USP34: variants seen among roughly 807,000 people sequenced by gnomAD.
USP34 encodes ubiquitin specific peptidase 34, also known as ubiquitin carboxyl-terminal hydrolase 34.
In USP34, 70 loss-of-function variants were observed where a neutral mutation model predicts 460.3. That is an observed-to-expected ratio of 0.15 (90% CI 0.13 to 0.19). The LOEUF is 0.19. Among genes scored for constraint, USP34 ranks in the 10% least tolerant of loss-of-function variants. The pLI is 1.00. For missense variants in USP34, 3,985 were observed against 4,236.2 expected (o/e 0.94, Z 1.65); for synonymous variants, 1,647 against 1,405.3 (o/e 1.17, Z -3.85).
intron 9 of USP34, 37 bp downstream of exon 9, chr2:61,370,461 T>A (rs1376767129): frequency 6.2e-7 from 1 of 1,612,770 alleles, no homozygotes; most frequent in Non-Finnish European, 8.5e-7. Context: ...TTCTTCTCTA[T>A]CAATAGAACA....
At position 61,236,020 on chromosome 2, in the gene USP34, A is replaced by G; in HGVS notation, c.6966+6T>C. The G allele has an allele frequency of 6.2e-7, 1 of 1,605,762 alleles. No individual in the cohort carries two copies. The highest frequency in any genetic ancestry group is 1.1e-5 in the South Asian group (1 of 88,844). ...GACAAAAAAATCCATAGTAGAAAACACATACCTTTTCTTTAGAATGAATAA... is the reference window on the plus strand; with the variant it reads ...GACAAAAAAATCCATAGTAGAAAACGCATACCTTTTCTTTAGAATGAATAA... On this transcript the variant is annotated splice_donor_region_variant and intron_variant, in intron 56 of 79. Transcript: ENST00000398571.
intron 1 of USP34, among the ~76,000 whole-genome samples, chr2:61,457,960 A>G (rs1056104182): frequency 2.0e-5 from 3 of 152,312 alleles, no homozygotes; most frequent in Admixed American, 6.5e-5. Context: ...AGAAAACAGG[A>G]AACACCACAT....
intron 53 of USP34, among the ~76,000 whole-genome samples, chr2:61,240,685 C>T (rs978115991): frequency 1.3e-5 from 2 of 151,172 alleles, no homozygotes; most frequent in Admixed American, 6.6e-5. Context: ...GGGCTTCTCT[C>T]GCCTAGGCCT....
At chr2:61,434,439 C>T (rs551099561) in intron 1 of USP34, among the ~76,000 whole-genome samples, 8 of 152,322 alleles carry the variant, frequency 5.3e-5, no homozygotes, top group African/African-American at 1.9e-4. Flanking sequence ...GCCAATTGAG[C>T]AACCACATGC....
At chr2:61,225,368 C>T (rs540867168) in intron 62 of USP34, among the ~76,000 whole-genome samples, 1 of 151,796 alleles carries the variant, frequency 6.6e-6, no homozygotes, top group East Asian at 1.9e-4. Context: ...GAAAATTTTA[C>T]AATTCTTTTT....
chr2:61,364,311 A>T (rs1206451781), intron 10 of USP34, among the ~76,000 whole-genome samples: 1 of 152,218 alleles, frequency 6.6e-6, no homozygotes, highest in African/African-American at 2.4e-5. Context: ...TGCAGCAGTG[A>T]GCTGTAATTG....
intron 37 of USP34, 26 bp from the exon 38 acceptor site, chr2:61,281,268 A>G (rs1431763147): frequency 1.2e-6 from 2 of 1,602,016 alleles, no homozygotes; most frequent in East Asian, 4.5e-5. Flanking sequence ...AGTTCCACAA[A>G]CAGTGAGAGT....
At chr2:61,430,379 G>T (rs1249907552) in intron 1 of USP34, among the ~76,000 whole-genome samples, 1 of 152,216 alleles carries the variant, frequency 6.6e-6, no homozygotes, top group African/African-American at 2.4e-5. Context: ...ACTCCGGCCT[G>T]GGTGGCAGAG....
chr2:61,443,720 A>G (rs1200233664), intron 1 of USP34, among the ~76,000 whole-genome samples: 1 of 152,162 alleles, frequency 6.6e-6, no homozygotes, highest in Non-Finnish European at 1.5e-5. Context: ...GGGTAGTGAA[A>G]CTACTTTGTA....
At chr2:61,384,435 C>G (rs970667343) in intron 5 of USP34, among the ~76,000 whole-genome samples, 3 of 151,950 alleles carry the variant, frequency 2.0e-5, no homozygotes, top group African/African-American at 7.3e-5. Flanking sequence ...TCTGGGAGAT[C>G]GTGGCAGGTG....
chr2:61,387,871 G>T (rs368591198), intron 5 of USP34, among the ~76,000 whole-genome samples: 3 of 137,810 alleles, frequency 2.2e-5, no homozygotes, highest in Non-Finnish European at 3.1e-5. Flanking sequence ...ATATTTTTAC[G>T]TATACGCATA....
chr2:61,264,870 T>TA (rs1689000860), intron 43 of USP34, among the ~76,000 whole-genome samples: 1 of 151,814 alleles, frequency 6.6e-6, no homozygotes, highest in Admixed American at 6.6e-5. Context: ...TTTATTATTT[T>TA]AAAAAACAAA....
intron 75 of USP34, among the ~76,000 whole-genome samples, chr2:61,200,978 A>G (rs752018540): frequency 1.3e-5 from 2 of 151,830 alleles, no homozygotes; most frequent in Non-Finnish European, 2.9e-5. Flanking sequence ...ACAATGTCCA[A>G]TTTTCTGTAT....
intron 29 of USP34, among the ~76,000 whole-genome samples, chr2:61,299,965 G>C (rs905425516): frequency 1.3e-5 from 2 of 152,048 alleles, no homozygotes; most frequent in African/African-American, 2.4e-5. Flanking sequence ...TGCCATTTCT[G>C]TCTTCCTTCT....
intron 1 of USP34, among the ~76,000 whole-genome samples, chr2:61,456,480 T>C (rs1185944815): frequency 2.6e-5 from 4 of 152,216 alleles, no homozygotes; most frequent in African/African-American, 9.6e-5. Context: ...ATAGTTTAAG[T>C]ACGTGATGTC....
chr2:61,440,053 G>A (rs1021583340), intron 1 of USP34, among the ~76,000 whole-genome samples: 1 of 152,140 alleles, frequency 6.6e-6, no homozygotes, highest in Non-Finnish European at 1.5e-5. Flanking sequence ...CTGTTGCTTT[G>A]CAACCTTCTC....
intron 43 of USP34, 35 bp from the exon 44 acceptor site, chr2:61,259,811 G>C (rs1688823743): frequency 1.3e-6 from 2 of 1,592,960 alleles, no homozygotes; most frequent in Non-Finnish European, 1.7e-6. Flanking sequence ...TAAAAACACA[G>C]ACATGATGGT....
chr2:61,287,510 C>T (rs769308735), intron 34 of USP34, among the ~76,000 whole-genome samples: 6 of 152,160 alleles, frequency 3.9e-5, no homozygotes, highest in Non-Finnish European at 7.4e-5. Context: ...GGGTTTTCTC[C>T]CAACTCTGGC....
chr2:61,397,776 G>A (rs1484304638), intron 3 of USP34, among the ~76,000 whole-genome samples: 1 of 152,118 alleles, frequency 6.6e-6, no homozygotes, highest in African/African-American at 2.4e-5. Flanking sequence ...GCACACACCT[G>A]TAGTCCCAGC....
Sources: gnomAD v4.1 joint callset for allele counts (sites outside exome capture counted in the v4.1 genomes callset) on GRCh38, gnomAD v4.1.1 for gene constraint, MANE v1.5 for transcripts, NCBI Gene and HGNC (gene_info 2026-07-23, HGNC 2026-07-21) for gene names.